The following CERKL variants were observed in gnomAD, a reference collection of about 807,000 sequenced individuals.
CERKL encodes the protein CERK like autophagy regulator.
A neutral mutation model predicts 63.4 loss-of-function variants in CERKL; 61 were observed. That is an observed-to-expected ratio of 0.96 (90% confidence interval 0.78 to 1.19). The LOEUF (loss-of-function observed/expected upper bound fraction) is 1.19, where lower values mean the gene tolerates loss of function less well. CERKL is among the 50% of genes most tolerant of loss of function. CERKL has a pLI of 0.00. For missense variants in CERKL, 675 were observed against 655.5 expected (o/e 1.03, Z -0.33); for synonymous variants, 250 against 230.5 (o/e 1.08, Z -0.77).
intron 1 of CERKL, among the ~76,000 whole-genome samples, chr2:181,650,779 A>C (rs1400506671): frequency 6.7e-6 from 1 of 149,080 alleles, no homozygotes; most frequent in East Asian, 1.9e-4. Context: ...GAAAGAAAGA[A>C]AAAAAAGAAC....
At chr2:181,574,387 C>CA (rs929823039) in intron 2 of CERKL, among the ~76,000 whole-genome samples, 3 of 152,176 alleles carry the variant, frequency 2.0e-5, no homozygotes, top group African/African-American at 7.2e-5. Flanking sequence ...AGGGATGGGT[C>CA]AGTGTCAGTA....
intron 1 of CERKL, among the ~76,000 whole-genome samples, chr2:181,634,549 T>A (rs1182405422): frequency 6.6e-6 from 1 of 152,100 alleles, no homozygotes; most frequent in Non-Finnish European, 1.5e-5. Context: ...TGATAGACAG[T>A]ACGTAGAATT....
intron 10 of CERKL, among the ~76,000 whole-genome samples, chr2:181,546,319 AG>A (rs1003570582): frequency 1.3e-5 from 2 of 152,196 alleles, no homozygotes; most frequent in Non-Finnish European, 2.9e-5. Flanking sequence ...TTAAACAAAC[AG>A]GGTTAGATAA....
chr2:181,606,725 C>T (rs1423872568), intron 1 of CERKL, among the ~76,000 whole-genome samples: 1 of 152,074 alleles, frequency 6.6e-6, no homozygotes, highest in Non-Finnish European at 1.5e-5. Flanking sequence ...CACCCAGTGA[C>T]CTAAAACTCA....
intron 2 of CERKL, among the ~76,000 whole-genome samples, chr2:181,594,899 T>A (rs1007683445): frequency 5.3e-5 from 8 of 152,164 alleles, no homozygotes; most frequent in African/African-American, 1.9e-4. Context: ...AATATCTGTA[T>A]AAATACCACA....
intron 2 of CERKL, among the ~76,000 whole-genome samples, chr2:181,587,540 A>G (rs1178620886): frequency 6.6e-6 from 1 of 152,184 alleles, no homozygotes; most frequent in Non-Finnish European, 1.5e-5. Flanking sequence ...ATTTAACTAT[A>G]TCACTTTTCC....
intron 1 of CERKL, among the ~76,000 whole-genome samples, chr2:181,651,579 C>G (rs1687940942): frequency 6.6e-6 from 1 of 151,996 alleles, no homozygotes; most frequent in Admixed American, 6.6e-5. Context: ...GGGAAAAGAC[C>G]AATAACGAGA....
chr2:181,603,902 T>A lies in CERKL; in HGVS notation c.416A>T (p.Asp139Val). ...EQNKLKNSTL[D>V]LINLSEDHCD... is the part of the protein sequence containing the mutation. Reference sequence around the variant, plus strand: ...GTGGTCTTCACTTAAATTAATAAGATCAAGTGTAGAATTCTTTAGTTTATT... The same window carrying A: ...GTGGTCTTCACTTAAATTAATAAGAACAAGTGTAGAATTCTTTAGTTTATT... The change falls in exon 2 of 13, where the codon GAT (aspartate) becomes GTT (valine). Residue 139 changes from aspartate (D) to valine (V), a missense_variant. Coordinates refer to ENST00000410087, the MANE Select transcript of CERKL (RefSeq NM_201548.5). The A allele has an allele frequency of 6.2e-7, 1 of 1,613,032 alleles. No homozygotes were observed. The highest frequency in any genetic ancestry group is 8.5e-7 in the Non-Finnish European group (1 of 1,179,262).
At chr2:181,541,521 T>C (rs1049562877) in intron 11 of CERKL, among the ~76,000 whole-genome samples, 2 of 152,130 alleles carry the variant, frequency 1.3e-5, no homozygotes, top group Non-Finnish European at 2.9e-5. Flanking sequence ...GGCCACGTGT[T>C]CCAGACTGAG....
chr2:181,633,201 A>C (rs947371629), intron 1 of CERKL, among the ~76,000 whole-genome samples: 3 of 152,152 alleles, frequency 2.0e-5, no homozygotes, highest in Non-Finnish European at 4.4e-5. Context: ...TGCAACTGGC[A>C]AGGGCCTCAG....
intron 2 of CERKL, among the ~76,000 whole-genome samples, chr2:181,575,087 C>T (rs1374158377): frequency 6.6e-6 from 1 of 152,164 alleles, no homozygotes; most frequent in East Asian, 1.9e-4. Flanking sequence ...TGCTCAGATT[C>T]ATAAGATGGT....
Position 181,656,774 on chromosome 2 carries a change from G to A in CERKL, c.233C>T (p.Pro78Leu). 6.3e-7 allele frequency: 1 copy of A among 1,592,074 alleles called. No individual in the cohort carries two copies. Among genetic ancestry groups the A allele is most frequent in the Non-Finnish European group, 8.6e-7 (1 of 1,168,646 alleles). ...LRWRPIQPER[P>L]AGDSKYDLLC... ...GCTTGGGGCCGGGCACTCACCCGCCGGGCGCTCGGGCTGAATGGGCCGCCA... is the reference window on the plus strand; with the variant it reads ...GCTTGGGGCCGGGCACTCACCCGCCAGGCGCTCGGGCTGAATGGGCCGCCA... The change falls in exon 1 of 13, where the codon CCG (proline) becomes CTG (leucine). Residue 78 changes from proline (P) to leucine (L), a missense_variant. Pro to Leu is a moderately conservative substitution (Grantham distance 98). Coordinates refer to ENST00000410087, the MANE Select transcript of CERKL (RefSeq NM_201548.5).
chr2:181,574,158 G>A (rs1342281791), intron 2 of CERKL, among the ~76,000 whole-genome samples: 1 of 152,180 alleles, frequency 6.6e-6, no homozygotes, highest in African/African-American at 2.4e-5. Context: ...AGGCAACTTT[G>A]TGAATATTAG....
chr2:181,636,932 A>C (rs1687204801), intron 1 of CERKL, among the ~76,000 whole-genome samples: 2 of 152,214 alleles, frequency 1.3e-5, no homozygotes, highest in Non-Finnish European at 2.9e-5. Context: ...ATCTTCCTGA[A>C]GATTGTGAAT....
chr2:181,646,495 G>A (rs192965624), intron 1 of CERKL, among the ~76,000 whole-genome samples: 8 of 152,318 alleles, frequency 5.3e-5, no homozygotes, highest in Admixed American at 2.0e-4. Context: ...TACGGAGCAA[G>A]GAAAGTTGCT....
chr2:181,618,179 T>C (rs1686285261), intron 1 of CERKL, among the ~76,000 whole-genome samples: 1 of 151,840 alleles, frequency 6.6e-6, no homozygotes, highest in Non-Finnish European at 1.5e-5. Flanking sequence ...GTTATTTGGG[T>C]GAAGATACAC....
chr2:181,542,630 C>CAATAAAA (rs1687556647), intron 11 of CERKL, among the ~76,000 whole-genome samples: 1 of 137,074 alleles, frequency 7.3e-6, no homozygotes. Context: ...GAATTCTTTG[C>CAATAAAA]AAAAAAAAAA....
intron 1 of CERKL, among the ~76,000 whole-genome samples, chr2:181,628,099 T>TA (rs11322283): frequency 8.2e-4 from 124 of 151,964 alleles, no homozygotes; most frequent in Non-Finnish European, 1.6e-3. Flanking sequence ...TTTTTTGTGT[T>TA]AAAAAAAAAT....
At chr2:181,654,810 G>T (rs1249089981) in intron 1 of CERKL, among the ~76,000 whole-genome samples, 4 of 152,126 alleles carry the variant, frequency 2.6e-5, no homozygotes, top group Admixed American at 2.0e-4. Flanking sequence ...TTGAGATGGA[G>T]ATTCACTCTT....
Sources: allele counts gnomAD v4.1 joint callset (sites outside exome capture counted in the v4.1 genomes callset), GRCh38; gene constraint gnomAD v4.1.1; transcripts MANE v1.5; gene names NCBI Gene and HGNC (gene_info 2026-07-23, HGNC 2026-07-21).